Variants in CAPZA1 observed in about 807,000 individuals in gnomAD.
CAPZA1 encodes the protein capping actin protein of muscle Z-line subunit alpha 1.
CAPZA1 carries 10 observed loss-of-function variants against 40.8 expected under a neutral mutation model. That is an observed-to-expected ratio of 0.25 (90% CI 0.15 to 0.42). The LOEUF (loss-of-function observed/expected upper bound fraction) is 0.42, where lower values mean the gene tolerates loss of function less well. CAPZA1 is among the 10% of genes least tolerant of loss of function. The pLI, the probability that CAPZA1 is intolerant of heterozygous loss-of-function variation, is 1.00. For synonymous variants in CAPZA1, 98 were observed against 115.0 expected (o/e 0.85, Z 0.95); for missense variants, 277 against 353.8 (o/e 0.78, Z 1.74).
At chr1:112,666,921 A>G (rs1340582247) in intron 7 of CAPZA1, 153 bp from the exon 8 acceptor site, 4 of 576,976 alleles carry the variant, frequency 6.9e-6, no homozygotes, top group Middle Eastern at 2.7e-4. Context: ...ATTAACCACC[A>G]TTGTGAATTA....
intron 1 of CAPZA1, among the ~76,000 whole-genome samples, chr1:112,629,025 T>C (rs766204626): frequency 1.3e-5 from 2 of 152,244 alleles, no homozygotes; most frequent in Non-Finnish European, 1.5e-5. Flanking sequence ...CTGTCCTCGA[T>C]GAAGCATCCA....
rs147969036 is a variant in CAPZA1 at position 112,660,083 on chromosome 1, A to T, written c.585+304A>T. ...AAGATTTAAAATTAATAATAATAAT[A>T]ATTATTATTTTTTGGGACAGAGTTT... On this transcript the variant is annotated intron_variant, in intron 7 of 9. Coordinates refer to ENST00000263168, the MANE Select transcript of CAPZA1 (RefSeq NM_006135.3). 8.0e-3 allele frequency among the ~76,000 whole-genome samples: 1,221 copies of T among 151,966 alleles called. 9 individuals carry two copies. Among genetic ancestry groups the T allele is most frequent in the Non-Finnish European group, 0.012 (815 of 67,976 alleles).
chr1:112,638,932 A>ATATAGGTATAGG (rs1553179166), intron 1 of CAPZA1, among the ~76,000 whole-genome samples: 2 of 117,270 alleles, frequency 1.7e-5, no homozygotes, highest in Admixed American at 1.7e-4. Flanking sequence ...ATAGATATAG[A>ATATAGGTATAGG]TATAGGTATA....
At chr1:112,634,963 T>G (rs532854373) in intron 1 of CAPZA1, among the ~76,000 whole-genome samples, 2 of 152,326 alleles carry the variant, frequency 1.3e-5, no homozygotes, top group East Asian at 3.9e-4. Flanking sequence ...TTACATCTTC[T>G]TATTCAAAAA....
intron 1 of CAPZA1, among the ~76,000 whole-genome samples, chr1:112,639,276 G>A (rs1217634296): frequency 6.6e-6 from 1 of 151,780 alleles, no homozygotes; most frequent in Non-Finnish European, 1.5e-5. Flanking sequence ...AAATCTCCTC[G>A]CTTTCATTTA....
At chr1:112,627,497 T>C (rs1324282757) in intron 1 of CAPZA1, among the ~76,000 whole-genome samples, 1 of 148,276 alleles carries the variant, frequency 6.7e-6, no homozygotes, top group African/African-American at 2.5e-5. Flanking sequence ...ATACAAAAAT[T>C]AGCCCAGCAT....
chr1:112,622,883 CTTTTTTT>C (rs1185251876), intron 1 of CAPZA1, among the ~76,000 whole-genome samples: 1 of 139,648 alleles, frequency 7.2e-6, no homozygotes, highest in Non-Finnish European at 1.6e-5. Flanking sequence ...ATATTTTATA[CTTTTTTT>C]TTTTTTTTTT....
At chr1:112,626,997 T>G (rs1010303235) in intron 1 of CAPZA1, among the ~76,000 whole-genome samples, 2 of 152,336 alleles carry the variant, frequency 1.3e-5, no homozygotes, top group Middle Eastern at 3.4e-3. Flanking sequence ...TTTAAGTGCT[T>G]CTTTTGTGCT....
In CAPZA1 at chr1:112,670,147, A is replaced by G; in HGVS notation, c.*15A>G. The G allele has an allele frequency of 6.2e-7, 1 of 1,613,516 alleles. No homozygotes were observed. The highest frequency in any genetic ancestry group is 1.1e-5 in the South Asian group (1 of 91,064). The stretch of plus-strand genomic sequence containing the variant: ...AGAATGCTTAAAGGCTGAATGTAGG[A>G]TTCTTCAGTATGTGGAAAGACAAGG... On this transcript the variant is annotated 3_prime_UTR_variant, in exon 10 of 10. Transcript: ENST00000263168.
chr1:112,650,241 A>G (rs1174607081), intron 3 of CAPZA1, among the ~76,000 whole-genome samples: 1 of 152,186 alleles, frequency 6.6e-6, no homozygotes, highest in Non-Finnish European at 1.5e-5. Flanking sequence ...ATTGGGTATG[A>G]TATATAATTG....
chr1:112,658,983 T>C, intron 5 of CAPZA1, 39 bp from the exon 6 acceptor site: 1 of 1,394,172 alleles, frequency 7.2e-7, no homozygotes, highest in Non-Finnish European at 1.0e-6. Flanking sequence ...AAATTAAAAG[T>C]GTTTGGAGTC....
chr1:112,664,709 G>A (rs929610634), intron 7 of CAPZA1, among the ~76,000 whole-genome samples: 1 of 151,968 alleles, frequency 6.6e-6, no homozygotes, highest in Non-Finnish European at 1.5e-5. Context: ...GACCGAGGTG[G>A]GTGGATCACA....
At chr1:112,640,084 A>C (rs1460928669) in intron 1 of CAPZA1, among the ~76,000 whole-genome samples, 21 of 103,446 alleles carry the variant, frequency 2.0e-4, no homozygotes, top group South Asian at 1.5e-3. Context: ...GGCCGCCCCT[A>C]CTGGGAAGTG....
At chr1:112,654,437 A>T in intron 4 of CAPZA1, 28 bp from the exon 5 acceptor site, 1 of 1,452,450 alleles carries the variant, frequency 6.9e-7, no homozygotes, top group Non-Finnish European at 9.5e-7. Context: ...TTTTACAGTT[A>T]CTCATATGTT....
rs189753442 is a variant in CAPZA1 at position 112,649,105 on chromosome 1, C to T, written c.104-313C>T. Among the ~76,000 whole-genome samples, 38 of 152,270 alleles carry T rather than the reference C, an allele frequency of 2.5e-4. No homozygotes were observed. In the South Asian group the frequency reaches 4.8e-3, roughly 19 times the overall value. On this transcript the variant is annotated intron_variant, in intron 2 of 9. Transcript: ENST00000263168. ...CTTTCTTGATATGATGTTGTAGAAA[C>T]GCCTGCAATTCTTAATCTATGCTCA...
chr1:112,669,819 T>C (rs1671795961), intron 9 of CAPZA1, among the ~76,000 whole-genome samples, 173 bp from the exon 10 acceptor site: 2 of 152,202 alleles, frequency 1.3e-5, no homozygotes, highest in African/African-American at 4.8e-5. Context: ...AGAAATAATA[T>C]AGGTGAACTT....
At chr1:112,656,466 T>TTTTTTTTCC (rs1553180448) in intron 5 of CAPZA1, among the ~76,000 whole-genome samples, 1 of 94,336 alleles carries the variant, frequency 1.1e-5, no homozygotes, top group East Asian at 2.8e-4. Flanking sequence ...TTTTTTTTTT[T>TTTTTTTTCC]AATGAGAATA....
chr1:112,653,339 T>C (rs1410586069), intron 3 of CAPZA1, among the ~76,000 whole-genome samples: 2 of 152,178 alleles, frequency 1.3e-5, no homozygotes, highest in African/African-American at 4.8e-5. Flanking sequence ...GAAGGTCTTT[T>C]GGAGCTCAGG....
chr1:112,647,360 G>A (rs1451077655), intron 2 of CAPZA1, 87 bp downstream of exon 2: 3 of 671,190 alleles, frequency 4.5e-6, no homozygotes, highest in East Asian at 3.0e-5. Context: ...ACGACTTGTT[G>A]TAGCCATAGC....
Sources: gnomAD v4.1 joint callset for allele counts (sites outside exome capture counted in the v4.1 genomes callset) on GRCh38, gnomAD v4.1.1 for gene constraint, MANE v1.5 for transcripts, NCBI Gene and HGNC (gene_info 2026-07-23, HGNC 2026-07-21) for gene names.